GRIK2: variants seen among roughly 807,000 people sequenced by gnomAD.
GRIK2 encodes glutamate ionotropic receptor kainate type subunit 2.
A neutral mutation model predicts 100.3 loss-of-function variants in GRIK2; 32 were observed. The observed-to-expected ratio is 0.32, with a 90% CI of 0.24 to 0.43. The LOEUF (loss-of-function observed/expected upper bound fraction) is 0.43, where lower values mean the gene tolerates loss of function less well. GRIK2 is among the 20% of genes least tolerant of loss of function. The probability of loss-of-function intolerance (pLI) is 1.00; values close to 1 mark genes in which losing one functional copy is unlikely to be tolerated. For missense variants in GRIK2, 843 were observed against 1,114.9 expected (o/e 0.76, Z 3.47); for synonymous variants, 417 against 389.4 (o/e 1.07, Z -0.83).
chr6:101,873,300 G>A (rs1785559160), intron 11 of GRIK2, among the ~76,000 whole-genome samples: 1 of 131,996 alleles, frequency 7.6e-6, no homozygotes, highest in African/African-American at 2.9e-5. Flanking sequence ...CTGTGTCCAA[G>A]TGTTCTCATT....
chr6:102,028,767 T>G (rs1222764471), intron 14 of GRIK2, among the ~76,000 whole-genome samples: 3 of 151,158 alleles, frequency 2.0e-5, no homozygotes, highest in Non-Finnish European at 4.4e-5. Flanking sequence ...TCTTTTTATG[T>G]TTTATGTAAT....
chr6:101,541,052 G>A lies in GRIK2; in HGVS notation c.116-80897G>A, dbSNP rs190470480. 2.8e-3 allele frequency among the ~76,000 whole-genome samples: 431 copies of A among 152,086 alleles called. 3 individuals are homozygous for A. Among genetic ancestry groups the A allele is most frequent in the African/African-American group, 0.01 (423 of 41,524 alleles). ...GAAAGATGGGAATCATGGCAGCCCTGAATCTCAGTAGTAGAATTTGCAGAC... is the reference window on the plus strand; with the variant it reads ...GAAAGATGGGAATCATGGCAGCCCTAAATCTCAGTAGTAGAATTTGCAGAC... On this transcript the variant is annotated intron_variant, in intron 2 of 16. Coordinates refer to ENST00000369134, the MANE Select transcript of GRIK2 (RefSeq NM_021956.5).
At chr6:101,902,754 T>C (rs1787938290) in intron 12 of GRIK2, among the ~76,000 whole-genome samples, 2 of 151,952 alleles carry the variant, frequency 1.3e-5, no homozygotes, top group Non-Finnish European at 1.5e-5. Flanking sequence ...CCAAAAGTTC[T>C]TAAAGGAATA....
chr6:102,006,630 A>G (rs1795255139), intron 14 of GRIK2, among the ~76,000 whole-genome samples: 1 of 151,740 alleles, frequency 6.6e-6, no homozygotes, highest in Non-Finnish European at 1.5e-5. Flanking sequence ...GGCCTCCCAA[A>G]GTGCTGAGAT....
In GRIK2 at chr6:101,714,858, T is replaced by C. The variant is rs200653027; in HGVS notation, c.951+28505T>C. Among the ~76,000 whole-genome samples, 11 of 151,878 alleles carry C rather than the reference T, an allele frequency of 7.2e-5. No homozygotes were observed. The East Asian group carries it at 9.7e-4, about 13-fold the overall frequency. Reference sequence around the variant, plus strand: ...TTTTAAAGTCTATAATGCAAACAAATTATTATGATATTGAATACACTAAAA... The same window carrying C: ...TTTTAAAGTCTATAATGCAAACAAACTATTATGATATTGAATACACTAAAA... On this transcript the variant is annotated intron_variant, in intron 7 of 16. Transcript: ENST00000369134.
At chr6:101,966,826 C>T (rs1172032632) in intron 14 of GRIK2, among the ~76,000 whole-genome samples, 1 of 152,022 alleles carries the variant, frequency 6.6e-6, no homozygotes, top group Non-Finnish European at 1.5e-5. Flanking sequence ...TAATCCAAGG[C>T]AAATACAATT....
chr6:101,547,711 G>A (rs1207141838), intron 2 of GRIK2, among the ~76,000 whole-genome samples: 1 of 151,950 alleles, frequency 6.6e-6, no homozygotes, highest in Non-Finnish European at 1.5e-5. Context: ...TCTTAATCCA[G>A]TCTATCATTG....
intron 7 of GRIK2, among the ~76,000 whole-genome samples, chr6:101,743,065 T>G (rs567361378): frequency 6.6e-6 from 1 of 152,304 alleles, no homozygotes; most frequent in South Asian, 2.1e-4. Flanking sequence ...GGGAATCATG[T>G]TTACAAAATG....
chr6:101,625,098 G>A (rs1420232144), intron 3 of GRIK2, among the ~76,000 whole-genome samples: 1 of 152,066 alleles, frequency 6.6e-6, no homozygotes, highest in African/African-American at 2.4e-5. Context: ...TAATAGCCGG[G>A]TGTGGTGGCT....
intron 11 of GRIK2, among the ~76,000 whole-genome samples, chr6:101,884,087 C>T (rs988530410): frequency 6.6e-6 from 1 of 151,948 alleles, no homozygotes; most frequent in Non-Finnish European, 1.5e-5. Flanking sequence ...AGATGGTGTG[C>T]CATGTGTACA....
intron 2 of GRIK2, chr6:101,430,909 G>A: frequency 2.9e-6 from 1 of 342,836 alleles, no homozygotes; most frequent in Non-Finnish European, 6.0e-6. Flanking sequence ...CACTATGTGA[G>A]GATCTTCATG....
intron 14 of GRIK2, among the ~76,000 whole-genome samples, chr6:101,932,550 G>T (rs932859902): frequency 2.0e-5 from 3 of 150,942 alleles, no homozygotes; most frequent in African/African-American, 7.3e-5. Context: ...ACCCAGTCTG[G>T]GTACAGTGCT....
intron 12 of GRIK2, among the ~76,000 whole-genome samples, chr6:101,901,700 A>G (rs1464096531): frequency 6.6e-6 from 1 of 151,914 alleles, no homozygotes; most frequent in African/African-American, 2.4e-5. Flanking sequence ...CATAAATTCT[A>G]AAGTTGATTA....
intron 7 of GRIK2, among the ~76,000 whole-genome samples, chr6:101,702,595 T>A (rs1772974824): frequency 6.6e-6 from 1 of 151,990 alleles, no homozygotes; most frequent in African/African-American, 2.4e-5. Context: ...TCTCAAGCAC[T>A]GTTTTTGGAA....
chr6:101,882,796 A>T (rs980605212), intron 11 of GRIK2, among the ~76,000 whole-genome samples: 1 of 152,078 alleles, frequency 6.6e-6, no homozygotes, highest in African/African-American at 2.4e-5. Flanking sequence ...AACAAGTTTA[A>T]TTTTTTTATA....
intron 2 of GRIK2, among the ~76,000 whole-genome samples, chr6:101,543,712 C>T (rs1398903301): frequency 6.6e-6 from 1 of 152,152 alleles, no homozygotes; most frequent in Non-Finnish European, 1.5e-5. Flanking sequence ...TCTCATGTAA[C>T]ATGGGGATAA....
At chr6:102,022,582 G>A (rs775946116) in intron 14 of GRIK2, among the ~76,000 whole-genome samples, 42 of 151,630 alleles carry the variant, frequency 2.8e-4, no homozygotes, top group Admixed American at 2.4e-3. Flanking sequence ...ACATTTTCAT[G>A]ATTAATTTGA....
chr6:101,724,721 A>G (rs753968458), intron 7 of GRIK2, among the ~76,000 whole-genome samples: 3 of 152,114 alleles, frequency 2.0e-5, no homozygotes, highest in South Asian at 2.1e-4. Flanking sequence ...CACAATTCCA[A>G]TATTTAGAAA....
At position 101,826,662 on chromosome 6, in the gene GRIK2, C is replaced by CT. The variant is rs200389730; in HGVS notation, c.1317+8184dup. The stretch of plus-strand genomic sequence containing the variant: ...TACATTTGATTGATTCAAACTTCAG[C>CT]TTTTTCTTTCTTACTATCTTTCCCT... On this transcript the variant is annotated intron_variant, in intron 10 of 16. Coordinates refer to ENST00000369134, the MANE Select transcript of GRIK2 (RefSeq NM_021956.5). 7.3e-4 allele frequency among the ~76,000 whole-genome samples: 111 copies of CT among 151,954 alleles called. 1 individual carries two copies. The highest frequency in any genetic ancestry group is 2.4e-3 in the African/African-American group (100 of 41,446).
Sources: gnomAD v4.1 joint callset for allele counts (sites outside exome capture counted in the v4.1 genomes callset) on GRCh38, gnomAD v4.1.1 for gene constraint, MANE v1.5 for transcripts, NCBI Gene and HGNC (gene_info 2026-07-23, HGNC 2026-07-21) for gene names.